Variants in FBXL17 observed in about 807,000 individuals in gnomAD.
FBXL17 encodes the protein F-box and leucine rich repeat protein 17.
FBXL17 carries 22 observed loss-of-function variants against 66.2 expected under a neutral mutation model. That is an observed-to-expected ratio of 0.33 (90% CI 0.24 to 0.47). FBXL17 has a LOEUF of 0.47. Among genes scored for constraint, FBXL17 ranks in the 20% least tolerant of loss-of-function variants. The pLI is 1.00. For missense variants in FBXL17, 878 were observed against 948.2 expected, an observed-to-expected ratio of 0.93 and a Z score of 0.97; for synonymous variants, 474 against 400.5, an observed-to-expected ratio of 1.18 and a Z score of -2.19.
Position 108,365,015 on chromosome 5 carries a change from A to C in FBXL17, c.1117-20T>G, listed in dbSNP as rs763018360. ...AGTGACCTGTAAGAGAAAAAGCAAT[A>C]AATTTAAACTTTTGCTAAAAATAAA... is the stretch of plus-strand genomic sequence containing the variant. On this transcript the variant is annotated intron_variant, in intron 2 of 8. Coordinates refer to ENST00000542267, the MANE Select transcript of FBXL17 (RefSeq NM_001163315.3). 6.4e-7 allele frequency: 1 copy of C among 1,566,260 alleles called. No individual in the cohort carries two copies. The highest frequency in any genetic ancestry group is 1.2e-5 in the South Asian group (1 of 85,632).
chr5:108,130,675 G>C (rs1273413994), intron 6 of FBXL17, among the ~76,000 whole-genome samples: 5 of 151,998 alleles, frequency 3.3e-5, no homozygotes, highest in Admixed American at 3.3e-4. Context: ...AGATGTTAAA[G>C]AATGTCTGCT....
intron 6 of FBXL17, among the ~76,000 whole-genome samples, chr5:108,045,855 T>C (rs1266713938): frequency 1.3e-5 from 2 of 152,184 alleles, no homozygotes; most frequent in African/African-American, 2.4e-5. Context: ...TCTTTTAAAT[T>C]TGAAGTTTGT....
At chr5:107,914,425 C>CT (rs1750058044) in intron 7 of FBXL17, among the ~76,000 whole-genome samples, 1 of 152,142 alleles carries the variant, frequency 6.6e-6, no homozygotes, top group African/African-American at 2.4e-5. Context: ...AGTCTGTATT[C>CT]TTTTTTAGAT....
intron 4 of FBXL17, among the ~76,000 whole-genome samples, chr5:108,228,783 T>G (rs962967053): frequency 6.6e-6 from 1 of 152,160 alleles, no homozygotes; most frequent in African/African-American, 2.4e-5. Flanking sequence ...TTTGGGGGTT[T>G]TCAGTTATAA....
At chr5:108,121,370 G>C (rs1420601715) in intron 6 of FBXL17, among the ~76,000 whole-genome samples, 1 of 151,900 alleles carries the variant, frequency 6.6e-6, no homozygotes, top group Non-Finnish European at 1.5e-5. Context: ...TTTGGCAATG[G>C]AATACATAAA....
At position 108,381,188 on chromosome 5, in the gene FBXL17, G is replaced by T; in HGVS notation, c.504C>A (p.Arg168=). ...GCACGGCGGCGGGCGGCCCCAGGAA[G>T]CGCACCGGCCCCAAGCTGGCCAGGA... ...SLFLASLGPV[R]FLGPPAAVQL... is the part of the protein sequence containing the mutation. Residue 168 remains arginine (R), a synonymous_variant, in exon 1 of 9, where the codon CGC becomes CGA. Transcript: ENST00000542267. 1 of 1,437,076 alleles carries T rather than the reference G, an allele frequency of 7.0e-7. No individual in the cohort carries two copies. The highest frequency in any genetic ancestry group is 9.1e-7 in the Non-Finnish European group (1 of 1,097,282). The allele number at this position is 1,437,076 out of a possible 1,614,324, so 89.0% of individuals were successfully genotyped here. A position where few individuals can be genotyped will look rare whatever the true frequency, so the allele number is the denominator to read the frequency against.
intron 6 of FBXL17, among the ~76,000 whole-genome samples, chr5:108,087,225 A>T (rs139437026): frequency 1.5e-3 from 223 of 152,308 alleles, no homozygotes; most frequent in South Asian, 0.013. Flanking sequence ...AACATAAAAG[A>T]TCCAAACCAA....
intron 4 of FBXL17, among the ~76,000 whole-genome samples, chr5:108,255,303 C>T (rs1368196094): frequency 6.6e-6 from 1 of 152,068 alleles, no homozygotes; most frequent in Non-Finnish European, 1.5e-5. Context: ...TACACCGTAA[C>T]ATGGATTTTC....
intron 6 of FBXL17, among the ~76,000 whole-genome samples, chr5:108,180,779 TTAGA>T (rs1439714881): frequency 1.3e-5 from 2 of 152,164 alleles, no homozygotes; most frequent in African/African-American, 4.8e-5. Context: ...CTACCGGATG[TTAGA>T]TAATCTTATT....
At chr5:107,902,365 C>T (rs963573775) in intron 7 of FBXL17, among the ~76,000 whole-genome samples, 2 of 152,024 alleles carry the variant, frequency 1.3e-5, no homozygotes, top group Non-Finnish European at 2.9e-5. Context: ...TACATTAAAT[C>T]AATAAATTAA....
At chr5:108,249,708 T>C (rs1327283068) in intron 4 of FBXL17, among the ~76,000 whole-genome samples, 4 of 152,242 alleles carry the variant, frequency 2.6e-5, no homozygotes, top group African/African-American at 9.6e-5. Flanking sequence ...CCAAACAAGA[T>C]GCTCTAAGAA....
chr5:107,874,910 CAAGTGAAGGACT>C (rs1254195672), intron 8 of FBXL17, among the ~76,000 whole-genome samples: 1 of 152,174 alleles, frequency 6.6e-6, no homozygotes, highest in African/African-American at 2.4e-5. Flanking sequence ...GCTGATGCTT[CAAGTGAAGGACT>C]TAAGTTCAGA....
chr5:108,266,881 T>C (rs184771053), intron 4 of FBXL17, among the ~76,000 whole-genome samples: 1 of 152,250 alleles, frequency 6.6e-6, no homozygotes, highest in Admixed American at 6.5e-5. Flanking sequence ...GGTTTAGCAC[T>C]ATCTGTGGTT....
chr5:108,100,162 C>T (rs892289956), intron 6 of FBXL17, among the ~76,000 whole-genome samples: 5 of 152,086 alleles, frequency 3.3e-5, no homozygotes, highest in East Asian at 1.9e-4. Context: ...AGATTATTTA[C>T]AATTGTATTA....
intron 8 of FBXL17, among the ~76,000 whole-genome samples, chr5:107,862,460 C>G (rs1748151748): frequency 6.6e-6 from 1 of 152,116 alleles, no homozygotes; most frequent in East Asian, 1.9e-4. Context: ...CACCTTGATT[C>G]TTGATTAGAC....
intron 6 of FBXL17, among the ~76,000 whole-genome samples, chr5:108,085,038 C>CA (rs2149923171): frequency 6.6e-6 from 1 of 152,326 alleles, no homozygotes; most frequent in East Asian, 1.9e-4. Flanking sequence ...GATTCTTTCA[C>CA]TTTTTTTCCT....
chr5:108,245,572 C>T (rs929474033), intron 4 of FBXL17, among the ~76,000 whole-genome samples: 5 of 152,168 alleles, frequency 3.3e-5, no homozygotes, highest in Non-Finnish European at 5.9e-5. Flanking sequence ...CTTATAAAAT[C>T]CCACCTCCTT....
rs140295274 is a variant in FBXL17 at position 107,949,634 on chromosome 5, T to G, written c.1823-68455A>C. 2.2e-3 allele frequency among the ~76,000 whole-genome samples: 334 copies of G among 152,278 alleles called. 3 individuals carry two copies. Among genetic ancestry groups the G allele is most frequent in the African/African-American group, 7.6e-3 (315 of 41,566 alleles). ...GGGAAAGTTTTACGTACAGGCTGAA[T>G]GATCACCCTTTTAGAACCATGTGAA... On this transcript the variant is annotated intron_variant, in intron 7 of 8. Coordinates refer to ENST00000542267, the MANE Select transcript of FBXL17 (RefSeq NM_001163315.3).
intron 6 of FBXL17, among the ~76,000 whole-genome samples, chr5:108,167,501 A>G (rs1752456107): frequency 6.6e-6 from 1 of 152,212 alleles, no homozygotes; most frequent in Non-Finnish European, 1.5e-5. Flanking sequence ...TGGAACAAAA[A>G]CAAAAACATA....
Sources: gnomAD v4.1 joint callset for allele counts (sites outside exome capture counted in the v4.1 genomes callset) on GRCh38, gnomAD v4.1.1 for gene constraint, MANE v1.5 for transcripts, NCBI Gene and HGNC (gene_info 2026-07-23, HGNC 2026-07-21) for gene names.